Variants in SVIL observed in about 807,000 individuals in gnomAD.
The protein encoded by SVIL is supervillin.
In SVIL, 101 loss-of-function variants were observed where a neutral mutation model predicts 240.4. The observed-to-expected ratio is 0.42, with a 90% CI of 0.36 to 0.50. The LOEUF is 0.50. SVIL is among the 20% of genes least tolerant of loss of function. The pLI is 0.01. For missense variants in SVIL, 2,512 were observed against 2,818.7 expected, an observed-to-expected ratio of 0.89 and a Z score of 2.46; for synonymous variants, 999 against 1,100.0, an observed-to-expected ratio of 0.91 and a Z score of 1.82.
rs1427722341 is a variant in SVIL at position 29,457,763 on chromosome 10, T to G, written c.*484A>C. 6.5e-6 allele frequency: 1 copy of G among 152,682 alleles called. No homozygotes were observed. The highest frequency in any genetic ancestry group is 1.5e-5 in the Non-Finnish European group (1 of 68,070). 9.5% of individuals were successfully genotyped at this position (152,682 alleles called of 1,614,324 possible). A position where few individuals can be genotyped will look rare whatever the true frequency, so the allele number is the denominator to read the frequency against. The stretch of plus-strand genomic sequence containing the variant: ...CTAATTCAACAGAAGCAACTCCATC[T>G]ACCTTTTCATGTTATTTTGACACCA... On this transcript the variant is annotated 3_prime_UTR_variant, in exon 38 of 38. Transcript: ENST00000355867.
chr10:29,497,327 C>T (rs201856369), intron 18 of SVIL, among the ~76,000 whole-genome samples: 11 of 152,112 alleles, frequency 7.2e-5, no homozygotes, highest in African/African-American at 2.7e-4. Flanking sequence ...AATGTGAAAA[C>T]GTATACCACT....
At position 29,654,918 on chromosome 10, in the gene SVIL, C is replaced by CT. The variant is rs761662974; in HGVS notation, c.-201+3050dup. Among the ~76,000 whole-genome samples, 9 of 152,164 alleles carry CT rather than the reference C, an allele frequency of 5.9e-5. No homozygotes were observed. The East Asian group carries it at 9.8e-4, about 16-fold the overall frequency. ...GCTCCAGCAAAGACCTTTCCCCTGT[C>CT]TTTTTTTCTATCCAGGCCCGGAGTC... On this transcript the variant is annotated intron_variant, in intron 3 of 35. Transcript: ENST00000375400.
At chr10:29,479,185 G>A (rs1412764828) in intron 29 of SVIL, among the ~76,000 whole-genome samples, 1 of 152,098 alleles carries the variant, frequency 6.6e-6, no homozygotes, top group Admixed American at 6.5e-5. Context: ...CCTCCTTGTA[G>A]CCAGACTCAC....
chr10:29,705,479 A>G (rs1421581563), intron 1 of SVIL, among the ~76,000 whole-genome samples: 1 of 151,846 alleles, frequency 6.6e-6, no homozygotes, highest in Non-Finnish European at 1.5e-5. Flanking sequence ...CCCACTTCAA[A>G]TCTTTTTTTT....
chr10:29,565,248 C>G (rs3758367), intron 2 of SVIL, among the ~76,000 whole-genome samples: 83,871 of 151,978 alleles, frequency 0.55, 23,788 homozygotes, highest in African/African-American at 0.69. Flanking sequence ...AAGCAAGAAA[C>G]TGTCCCTGAG....
chr10:29,459,283 T>A (rs1943943461), intron 36 of SVIL, among the ~76,000 whole-genome samples: 2 of 152,292 alleles, frequency 1.3e-5, no homozygotes, highest in East Asian at 1.9e-4. Context: ...CCTAATAATT[T>A]AAAAAATTTT....
intron 1 of SVIL, among the ~76,000 whole-genome samples, chr10:29,632,221 G>A (rs370988886): frequency 5.9e-5 from 9 of 152,270 alleles, no homozygotes; most frequent in African/African-American, 2.2e-4. Flanking sequence ...CGGGTGTGGT[G>A]GCTCATGCCT....
rs183254526 is a variant in SVIL, at chr10:29,481,573, C to T, written c.5100+11G>A. On this transcript the variant is annotated intron_variant, in intron 28 of 37. Transcript: ENST00000355867. ...CAAGCCCCGAGTTTTGAGGCTTGGT[C>T]GCCGGAATACCTTGTGCTGGGCAAG... 2.0e-4 allele frequency: 319 copies of T among 1,612,444 alleles called. No individual in the cohort carries two copies. The highest frequency in any genetic ancestry group is 5.0e-4 in the Middle Eastern group (3 of 6,056).
At chr10:29,565,093 A>T (rs1166224074) in intron 2 of SVIL, among the ~76,000 whole-genome samples, 2 of 152,256 alleles carry the variant, frequency 1.3e-5, no homozygotes, top group African/African-American at 4.8e-5. Context: ...AAGTGAAATA[A>T]TGCAATCCTT....
intron 29 of SVIL, among the ~76,000 whole-genome samples, chr10:29,477,117 C>A (rs576334038): frequency 2.6e-4 from 39 of 152,294 alleles, no homozygotes; most frequent in African/African-American, 9.4e-4. Flanking sequence ...CCTGCCTTGG[C>A]CTCCTGAAGT....
intron 2 of SVIL, among the ~76,000 whole-genome samples, chr10:29,684,653 A>G (rs1207526990): frequency 8.5e-5 from 13 of 152,180 alleles, no homozygotes; most frequent in Non-Finnish European, 7.3e-5. Context: ...TAGATGGTCA[A>G]TGCTTCCTAT....
chr10:29,471,276 G>T, intron 30 of SVIL, 33 bp from the exon 31 acceptor site: 1 of 1,541,462 alleles, frequency 6.5e-7, no homozygotes, highest in Non-Finnish European at 8.8e-7. Context: ...ATAGGTAAGG[G>T]GCGCGGGGCT....
chr10:29,732,570 AAGTT>A (rs1964682976), intron 1 of SVIL, among the ~76,000 whole-genome samples: 1 of 152,176 alleles, frequency 6.6e-6, no homozygotes, highest in South Asian at 2.1e-4. Flanking sequence ...TGTCATCTAA[AAGTT>A]AGTTTAGCAA....
At chr10:29,723,274 G>A (rs1964096483) in intron 1 of SVIL, among the ~76,000 whole-genome samples, 1 of 152,194 alleles carries the variant, frequency 6.6e-6, no homozygotes, top group Admixed American at 6.5e-5. Context: ...TCAGTTACTG[G>A]GAGGCTAAGA....
intron 1 of SVIL, among the ~76,000 whole-genome samples, chr10:29,619,413 T>C (rs1385515830): frequency 6.6e-6 from 1 of 152,208 alleles, no homozygotes; most frequent in Non-Finnish European, 1.5e-5. Flanking sequence ...ATGACACATA[T>C]TTACAGTCAG....
At chr10:29,522,725 C>A in intron 15 of SVIL, 90 bp from the exon 16 acceptor site, 1 of 1,417,358 alleles carries the variant, frequency 7.1e-7, no homozygotes, top group Non-Finnish European at 9.6e-7. Flanking sequence ...TCTCAGGGTT[C>A]AATCCGTGGG....
intron 14 of SVIL, among the ~76,000 whole-genome samples, 162 bp downstream of exon 14, chr10:29,524,310 T>G (rs1950750688): frequency 6.6e-6 from 1 of 152,158 alleles, no homozygotes; most frequent in Non-Finnish European, 1.5e-5. Context: ...ACATACTTGG[T>G]AGAATTCTCA....
At chr10:29,474,550 G>T (rs1414556911) in intron 29 of SVIL, among the ~76,000 whole-genome samples, 1 of 151,906 alleles carries the variant, frequency 6.6e-6, no homozygotes, top group Non-Finnish European at 1.5e-5. Flanking sequence ...AGCCATGATT[G>T]TGTCACTGCA....
Position 29,563,241 on chromosome 10 carries a change from T to C in SVIL, c.-91A>G. The C allele has an allele frequency of 6.1e-6, 6 of 985,852 alleles. No individual in the cohort carries two copies. The highest frequency in any genetic ancestry group is 7.2e-6 in the Non-Finnish European group (6 of 829,914). The allele number at this position is 985,852 out of a possible 1,614,324, so 61.1% of individuals were successfully genotyped here. ...CTAAAAGCTGAGCATCGATTCCTCT[T>C]TCGTGGTTAGCGAGCTGTTCTTTAT... is the stretch of plus-strand genomic sequence containing the variant. On this transcript the variant is annotated 5_prime_UTR_variant, in exon 3 of 38. Coordinates refer to ENST00000355867, the MANE Select transcript of SVIL (RefSeq NM_021738.3).
Sources: gnomAD v4.1 joint callset for allele counts (sites outside exome capture counted in the v4.1 genomes callset) on GRCh38, gnomAD v4.1.1 for gene constraint, MANE v1.5 for transcripts, NCBI Gene and HGNC (gene_info 2026-07-23, HGNC 2026-07-21) for gene names.